CT55: variants seen among roughly 807,000 people sequenced by gnomAD.
The protein encoded by CT55 is BRCA2-interacting protein.
In CT55, 1 loss-of-function variant was observed where a neutral mutation model predicts 12.6. That is an observed-to-expected ratio of 0.08 (90% CI 0.03 to 0.38). The LOEUF (loss-of-function observed/expected upper bound fraction) is 0.38, where lower values mean the gene tolerates loss of function less well. CT55 is among the 10% of genes least tolerant of loss of function. The probability of loss-of-function intolerance (pLI) is 0.99; values close to 1 mark genes in which losing one functional copy is unlikely to be tolerated. For missense variants in CT55, 109 were observed against 135.4 expected, an observed-to-expected ratio of 0.80 and a Z score of 0.97; for synonymous variants, 43 against 49.7, an observed-to-expected ratio of 0.87 and a Z score of 0.57.
At chrX:135,168,701 CCTCT>C (rs2083596808) in intron 2 of CT55, among the ~76,000 whole-genome samples, 2 of 111,091 alleles carry the variant, frequency 1.8e-5, no homozygotes, top group Non-Finnish European at 3.8e-5. Flanking sequence ...TAGATTGTTC[CCTCT>C]AAGTGGGCCA....
intron 1 of CT55, among the ~76,000 whole-genome samples, chrX:135,170,400 T>C (rs1175117266): frequency 2.7e-5 from 3 of 111,284 alleles, no homozygotes; most frequent in African/African-American, 1.0e-4. Flanking sequence ...CATTTCTACA[T>C]ATGAGTCTTT....
intron 2 of CT55, among the ~76,000 whole-genome samples, chrX:135,166,162 A>C (rs2083584306): frequency 9.0e-6 from 1 of 110,504 alleles, no homozygotes; most frequent in Admixed American, 9.7e-5. Flanking sequence ...AAACCAAAAA[A>C]AACTACATGC....
chrX:135,162,905 C>A (rs1162779023), intron 2 of CT55, among the ~76,000 whole-genome samples: 1 of 111,675 alleles, frequency 9.0e-6, no homozygotes, highest in Non-Finnish European at 1.9e-5. Context: ...TGAATGGAGG[C>A]TTGGATTCCA....
intron 2 of CT55, among the ~76,000 whole-genome samples, chrX:135,162,786 A>G (rs1461345700): frequency 1.8e-5 from 2 of 111,585 alleles, no homozygotes; most frequent in African/African-American, 6.5e-5. Flanking sequence ...GGCACCAGAC[A>G]GGAAGCCACA....
intron 2 of CT55, among the ~76,000 whole-genome samples, chrX:135,166,357 C>A (rs782750563): frequency 9.0e-6 from 1 of 111,549 alleles, no homozygotes; most frequent in East Asian, 2.8e-4. Context: ...GGAAAAAAGC[C>A]ATAGGTTCAT....
At chrX:135,168,511 C>G (rs5978101) in intron 2 of CT55, among the ~76,000 whole-genome samples, 4,853 of 111,074 alleles carry the variant, frequency 0.044, 273 homozygotes, top group African/African-American at 0.15. Context: ...TAGAAGGAAC[C>G]TTTTTTAACT....
At chrX:135,165,741 C>T (rs2083580571) in intron 2 of CT55, among the ~76,000 whole-genome samples, 1 of 110,178 alleles carries the variant, frequency 9.1e-6, no homozygotes. Flanking sequence ...AAGGACACAG[C>T]ACAAATGACA....
chrX:135,161,886 T>C (rs1409173619), intron 2 of CT55, among the ~76,000 whole-genome samples: 3 of 112,563 alleles, frequency 2.7e-5, no homozygotes, highest in African/African-American at 9.7e-5. Flanking sequence ...CACATATCTA[T>C]CACCACTTCC....
At chrX:135,159,401 A>G (rs782343184) in intron 3 of CT55, among the ~76,000 whole-genome samples, 3 of 111,524 alleles carry the variant, frequency 2.7e-5, no homozygotes, top group East Asian at 2.8e-4. Context: ...GGTATTCTCC[A>G]TATTCACCAA....
chrX:135,158,942 G>A (rs2083549622), intron 3 of CT55, among the ~76,000 whole-genome samples: 1 of 112,305 alleles, frequency 8.9e-6, no homozygotes, highest in Non-Finnish European at 1.9e-5. Context: ...TTCCCCTGGT[G>A]TTGTGTTCAA....
At position 135,165,100 on chromosome X, in the gene CT55, A is replaced by G. The variant is rs1425397634; in HGVS notation, c.279+4494T>C. On this transcript the variant is annotated intron_variant, in intron 2 of 5. Transcript: ENST00000276241. ...AATGGACCTGACAGTCATTTACAGAACATTCCATCCAAATACTCCAAAACA... is the reference window on the plus strand; with the variant it reads ...AATGGACCTGACAGTCATTTACAGAGCATTCCATCCAAATACTCCAAAACA... Among the ~76,000 whole-genome samples, 3 of 112,249 alleles carry G rather than the reference A, an allele frequency of 2.7e-5. No homozygotes were observed. The East Asian group carries it at 8.4e-4, about 31-fold the overall frequency.
rs1477987159 is a variant in CT55, at chrX:135,165,311, A to G, written c.279+4283T>C. ...AACTTTAGAAGTGGATGGAAATTAA[A>G]CAACATGCTCCTAAATAACCAATGG... On this transcript the variant is annotated intron_variant, in intron 2 of 5. Coordinates refer to ENST00000276241, the MANE Select transcript of CT55 (RefSeq NM_001031705.3). Among the ~76,000 whole-genome samples, 3 of 112,205 alleles carry G rather than the reference A, an allele frequency of 2.7e-5. No individual in the cohort carries two copies. The South Asian group carries it at 1.1e-3, about 41-fold the overall frequency.
At chrX:135,168,743 A>G (rs1192789904) in intron 2 of CT55, among the ~76,000 whole-genome samples, 1 of 111,885 alleles carries the variant, frequency 8.9e-6, no homozygotes, top group East Asian at 2.8e-4. Flanking sequence ...CTTATATCTC[A>G]ATAATGCTGT....
intron 3 of CT55, among the ~76,000 whole-genome samples, chrX:135,159,925 A>AACACACACAC (rs57481039): frequency 9.5e-6 from 1 of 105,408 alleles, no homozygotes; most frequent in East Asian, 3.0e-4. Context: ...ATTCAACAAC[A>AACACACACAC]ACACACACAC....
chrX:135,170,351 G>C (rs1303172469), intron 1 of CT55, among the ~76,000 whole-genome samples: 1 of 112,252 alleles, frequency 8.9e-6, no homozygotes, highest in African/African-American at 3.2e-5. Flanking sequence ...CGAGAGCTCT[G>C]AGTGCCTTGC....
Position 135,160,531 on chromosome X carries a change from A to G in CT55, c.304T>C (p.Tyr102His). 8.4e-7 allele frequency: 1 copy of G among 1,194,563 alleles called. No homozygotes were observed. Among genetic ancestry groups the G allele is most frequent in the South Asian group, 1.9e-5 (1 of 53,138 alleles). The change falls in exon 3 of 6, where the codon TAT becomes CAT. Residue 102 changes from tyrosine to histidine, a missense_variant. By Grantham distance (83) the Tyr-to-His change is moderately conservative. Coordinates refer to ENST00000276241, the MANE Select transcript of CT55 (RefSeq NM_001031705.3). ...IKVDVVPRHL[Y>H]GAGPSDSGTR... is the part of the protein sequence containing the mutation. ...CCTGAGTCTGAGGGTCCAGCACCAT[A>G]AAGATGGCGAGGCACAACATCCACC...
chrX:135,170,342 G>A (rs1206873680), intron 1 of CT55, among the ~76,000 whole-genome samples: 2 of 112,334 alleles, frequency 1.8e-5, no homozygotes, highest in Non-Finnish European at 3.8e-5. Context: ...ATCAACTGTC[G>A]AGAGCTCTGA....
At position 135,160,503 on chromosome X, in the gene CT55, G is replaced by C; in HGVS notation, c.332C>G (p.Thr111Ser). ...LYGAGPSDSG[T>S]RVLIGCVTSI... Reference sequence around the variant, plus strand: ...AGTAACACATCCAATTAAAACTCTGGTTCCTGAGTCTGAGGGTCCAGCACC... The same window carrying C: ...AGTAACACATCCAATTAAAACTCTGCTTCCTGAGTCTGAGGGTCCAGCACC... Residue 111 changes from threonine to serine, a missense_variant, in exon 3 of 6, where the codon ACC (threonine) becomes AGC (serine). Thr to Ser is a moderately conservative substitution (Grantham distance 58). Transcript: ENST00000276241. The C allele has an allele frequency of 8.3e-7, 1 of 1,200,559 alleles. No individual in the cohort carries two copies. The highest frequency in any genetic ancestry group is 1.1e-6 in the Non-Finnish European group (1 of 892,233).
Position 135,171,119 on chromosome X carries a change from G to C in CT55, c.53C>G (p.Pro18Arg). The C allele has an allele frequency of 1.2e-5, 14 of 1,211,734 alleles. No individual in the cohort carries two copies. Among genetic ancestry groups the C allele is most frequent in the Non-Finnish European group, 1.6e-5 (14 of 895,441 alleles). The change falls in exon 1 of 6, where the codon CCT (proline) becomes CGT (arginine). Residue 18 changes from proline to arginine, a missense_variant. Pro to Arg is a moderately radical substitution (Grantham distance 103, BLOSUM62 -2). Transcript: ENST00000276241. ...ALAFYGRTAD[P>R]AERQGPQQQG... ...CTGCTGTGGGCCCTGTCGCTCTGCA[G>C]GGTCGGCCGTCCTCCCGTAGAAGGC...
Sources: gnomAD v4.1 joint callset for allele counts (sites outside exome capture counted in the v4.1 genomes callset) on GRCh38, gnomAD v4.1.1 for gene constraint, MANE v1.5 for transcripts, NCBI Gene and HGNC (gene_info 2026-07-23, HGNC 2026-07-21) for gene names.